Variants in ADARB2 observed in about 807,000 individuals in gnomAD.
The protein encoded by ADARB2 is inactive double-stranded RNA-specific editase B2.
In ADARB2, 25 loss-of-function variants were observed where a neutral mutation model predicts 62.2. That is an observed-to-expected ratio of 0.40 (90% CI 0.29 to 0.56). The LOEUF (loss-of-function observed/expected upper bound fraction) is 0.56, where lower values mean the gene tolerates loss of function less well. Among genes scored for constraint, ADARB2 ranks in the 20% least tolerant of loss-of-function variants. The pLI, the probability that ADARB2 is intolerant of heterozygous loss-of-function variation, is 0.43. For synonymous variants in ADARB2, 572 were observed against 500.8 expected (o/e 1.14, Z -1.90); for missense variants, 1,071 against 1,077.4 (o/e 0.99, Z 0.08).
At chr10:1,313,508 C>A (rs1355944234) in intron 3 of ADARB2, among the ~76,000 whole-genome samples, 1 of 152,144 alleles carries the variant, frequency 6.6e-6, no homozygotes, top group Non-Finnish European at 1.5e-5. Context: ...CAAGTGTGGG[C>A]CAATTGTAGT....
rs944718755 is a variant in ADARB2, at chr10:1,271,138, C to T, written c.1078-69G>A. 10 of 1,262,248 alleles carry T rather than the reference C, an allele frequency of 7.9e-6. No individual in the cohort carries two copies. The Admixed American group carries it at 1.4e-4, about 17-fold the overall frequency. The allele number at this position is 1,262,248 out of a possible 1,614,324, so 78.2% of individuals were successfully genotyped here. A position where few individuals can be genotyped will look rare whatever the true frequency, so the allele number is the denominator to read the frequency against. ...GCCGTGGAGGATGATGGGGCACTGT[C>T]CTCCCCGTCCTCACAGCCTCATCCC... is the stretch of plus-strand genomic sequence containing the variant. On this transcript the variant is annotated intron_variant, in intron 3 of 9. Transcript: ENST00000381312.
chr10:1,410,260 C>T (rs187757798), intron 1 of ADARB2, among the ~76,000 whole-genome samples: 68 of 133,220 alleles, frequency 5.1e-4, no homozygotes, highest in African/African-American at 2.3e-3. Flanking sequence ...GGTGCCGAGG[C>T]CTGGCCGTGG....
chr10:1,533,102 T>G (rs1036012024), intron 1 of ADARB2, among the ~76,000 whole-genome samples: 2 of 143,690 alleles, frequency 1.4e-5, no homozygotes, highest in Non-Finnish European at 1.5e-5. Flanking sequence ...GATTACTGTC[T>G]CTAGTGTAAA....
rs371559408 is a variant in ADARB2 at position 1,549,735 on chromosome 10, G to T, written c.101-170575C>A. ...TCTAGACTCCAAAACCGATGCCCTG[G>T]AAAGGCAGGAGATATCACAGGGTGC... On this transcript the variant is annotated intron_variant, in intron 1 of 9. Transcript: ENST00000381312. 3.3e-5 allele frequency among the ~76,000 whole-genome samples: 5 copies of T among 152,200 alleles called. No homozygotes were observed. The East Asian group carries it at 5.8e-4, about 18-fold the overall frequency.
intron 1 of ADARB2, among the ~76,000 whole-genome samples, chr10:1,679,242 C>T (rs1380993828): frequency 6.6e-6 from 1 of 152,116 alleles, no homozygotes; most frequent in African/African-American, 2.4e-5. Context: ...TGGGGACTAT[C>T]CTGGCCTCAT....
At chr10:1,356,807 A>G (rs550376467) in intron 3 of ADARB2, among the ~76,000 whole-genome samples, 130 of 152,352 alleles carry the variant, frequency 8.5e-4, no homozygotes, top group Admixed American at 2.0e-3. Flanking sequence ...ACTAACTTCA[A>G]ACAAGCCAAT....
intron 6 of ADARB2, among the ~76,000 whole-genome samples, chr10:1,228,540 C>T (rs962272278): frequency 6.6e-6 from 1 of 152,210 alleles, no homozygotes; most frequent in African/African-American, 2.4e-5. Context: ...ACAGCATGTT[C>T]TCCTGGTGTG....
At chr10:1,455,592 T>A (rs1339883869) in intron 1 of ADARB2, among the ~76,000 whole-genome samples, 1 of 152,242 alleles carries the variant, frequency 6.6e-6, no homozygotes, top group Non-Finnish European at 1.5e-5. Context: ...AAAAGTTTAA[T>A]GTGTTCGATC....
At chr10:1,557,779 G>C (rs952870486) in intron 1 of ADARB2, among the ~76,000 whole-genome samples, 1 of 152,068 alleles carries the variant, frequency 6.6e-6, no homozygotes, top group African/African-American at 2.4e-5. Context: ...GGGGGTAGTG[G>C]TGGGCATCTG....
intron 1 of ADARB2, among the ~76,000 whole-genome samples, chr10:1,626,527 C>T (rs1257980300): frequency 6.6e-6 from 1 of 152,212 alleles, no homozygotes; most frequent in African/African-American, 2.4e-5. Flanking sequence ...CTGCCTGGCC[C>T]TCCTCCCGTG....
rs973758911 is a variant in ADARB2, at chr10:1,195,945, G to A, written c.1864+4021C>T. On this transcript the variant is annotated intron_variant, in intron 8 of 9. Coordinates refer to ENST00000381312, the MANE Select transcript of ADARB2 (RefSeq NM_018702.4). ...TGTTTCAGGTCTGGGGAACCAAACA[G>A]CAGCCTGAAACCAGCTGGAATCTTC... Among the ~76,000 whole-genome samples, 9 of 152,284 alleles carry A rather than the reference G, an allele frequency of 5.9e-5. No individual in the cohort carries two copies. The East Asian group carries it at 1.7e-3, about 29-fold the overall frequency.
rs1834621406 is a variant in ADARB2 at position 1,688,232 on chromosome 10, G to A, written c.100+48819C>T. ...GCTCTTCTGACCACCCTGTCCCACT[G>A]TCAGCCTCACACCTCATGGTGCACT... On this transcript the variant is annotated intron_variant, in intron 1 of 9. Coordinates refer to ENST00000381312, the MANE Select transcript of ADARB2 (RefSeq NM_018702.4). Among the ~76,000 whole-genome samples the A allele has an allele frequency of 2.0e-5, 3 of 152,188 alleles. No homozygotes were observed. The South Asian group carries it at 6.2e-4, about 31-fold the overall frequency.
intron 4 of ADARB2, among the ~76,000 whole-genome samples, chr10:1,267,079 T>G (rs1371737878): frequency 6.6e-6 from 1 of 151,532 alleles, no homozygotes; most frequent in African/African-American, 2.4e-5. Flanking sequence ...TACAAATAGC[T>G]TAAATATGTC....
intron 7 of ADARB2, among the ~76,000 whole-genome samples, chr10:1,201,589 CCA>C (rs1054739392): frequency 2.0e-5 from 3 of 151,134 alleles, no homozygotes; most frequent in Non-Finnish European, 2.9e-5. Context: ...GACCTTCATT[CCA>C]CAGAGTGTCT....
At chr10:1,223,634 G>C (rs1408715742) in intron 6 of ADARB2, among the ~76,000 whole-genome samples, 1 of 152,074 alleles carries the variant, frequency 6.6e-6, no homozygotes, top group African/African-American at 2.4e-5. Context: ...TACCATGAAG[G>C]GTTGTTGAAT....
intron 1 of ADARB2, among the ~76,000 whole-genome samples, chr10:1,493,823 A>C (rs938974289): frequency 1.5e-5 from 2 of 129,844 alleles, no homozygotes; most frequent in East Asian, 4.7e-4. Context: ...CAATGGCACG[A>C]TCTCAGCTCA....
chr10:1,687,318 G>T (rs546901725), intron 1 of ADARB2, among the ~76,000 whole-genome samples: 2 of 152,094 alleles, frequency 1.3e-5, no homozygotes, highest in Non-Finnish European at 2.9e-5. Flanking sequence ...GAGCCACCAC[G>T]CCCAGGCGTG....
chr10:1,698,477 C>T (rs1234851280), intron 1 of ADARB2, among the ~76,000 whole-genome samples: 3 of 152,206 alleles, frequency 2.0e-5, no homozygotes, highest in Non-Finnish European at 4.4e-5. Flanking sequence ...TGAAGATCCC[C>T]TTTCTTGTTG....
chr10:1,586,994 C>G (rs1471708643), intron 1 of ADARB2, among the ~76,000 whole-genome samples: 1 of 152,120 alleles, frequency 6.6e-6, no homozygotes, highest in Non-Finnish European at 1.5e-5. Context: ...ATTTCCAAAA[C>G]TAAAATGAAG....
Sources: gnomAD v4.1 joint callset for allele counts (sites outside exome capture counted in the v4.1 genomes callset) on GRCh38, gnomAD v4.1.1 for gene constraint, MANE v1.5 for transcripts, NCBI Gene and HGNC (gene_info 2026-07-23, HGNC 2026-07-21) for gene names.